Variants in GPC6 observed in about 807,000 individuals in gnomAD.
GPC6 encodes the protein glypican 6.
Under a neutral mutation model 55.2 loss-of-function variants are expected in GPC6, and 14 were observed. The ratio of observed to expected loss-of-function variants is 0.25; its 90% CI spans 0.17 to 0.40. GPC6 has a LOEUF of 0.40. Among genes scored for constraint, GPC6 ranks in the 10% least tolerant of loss-of-function variants. GPC6 has a pLI of 1.00. For synonymous variants in GPC6, 278 were observed against 259.6 expected (o/e 1.07, Z -0.68); for missense variants, 641 against 708.5 (o/e 0.90, Z 1.08).
chr13:93,437,966 T>C (rs1171779593), intron 1 of GPC6, among the ~76,000 whole-genome samples: 1 of 152,110 alleles, frequency 6.6e-6, no homozygotes, highest in Non-Finnish European at 1.5e-5. Flanking sequence ...CCAGTGATCA[T>C]TTACCATTCT....
At chr13:94,065,038 A>C (rs1474355805) in intron 4 of GPC6, among the ~76,000 whole-genome samples, 1 of 152,220 alleles carries the variant, frequency 6.6e-6, no homozygotes, top group African/African-American at 2.4e-5. Flanking sequence ...ACACCTAAGT[A>C]AATGTGGCTT....
At chr13:93,991,728 G>A (rs563388423) in intron 3 of GPC6, among the ~76,000 whole-genome samples, 1 of 152,140 alleles carries the variant, frequency 6.6e-6, no homozygotes, top group Non-Finnish European at 1.5e-5. Flanking sequence ...GAAGGGAAGG[G>A]TGATTACTGA....
chr13:93,542,985 C>T (rs548476354), intron 1 of GPC6, among the ~76,000 whole-genome samples: 4 of 152,292 alleles, frequency 2.6e-5, no homozygotes, highest in African/African-American at 9.6e-5. Flanking sequence ...GACAATTTGA[C>T]TTCCTCTTTT....
At chr13:93,374,026 T>C (rs1874784445) in intron 1 of GPC6, among the ~76,000 whole-genome samples, 1 of 152,158 alleles carries the variant, frequency 6.6e-6, no homozygotes, top group East Asian at 1.9e-4. Context: ...AGGGATCTCA[T>C]ACAGTAGTGG....
At chr13:93,417,995 G>A (rs1026841462) in intron 1 of GPC6, among the ~76,000 whole-genome samples, 14 of 151,942 alleles carry the variant, frequency 9.2e-5, no homozygotes, top group African/African-American at 2.9e-4. Flanking sequence ...TATAAGAATC[G>A]ATACTTTACT....
At chr13:93,764,657 C>G (rs375147924) in intron 2 of GPC6, among the ~76,000 whole-genome samples, 29 of 151,804 alleles carry the variant, frequency 1.9e-4, no homozygotes, top group African/African-American at 6.5e-4. Context: ...AATGACATAT[C>G]TATGTTAACA....
chr13:94,074,560 G>T (rs1594715413), intron 4 of GPC6, among the ~76,000 whole-genome samples: 1 of 152,220 alleles, frequency 6.6e-6, no homozygotes, highest in East Asian at 1.9e-4. Flanking sequence ...TATGTTTTGT[G>T]TACCCATGAC....
intron 2 of GPC6, among the ~76,000 whole-genome samples, chr13:93,722,296 G>T (rs1413942871): frequency 6.6e-6 from 1 of 151,498 alleles, no homozygotes; most frequent in Non-Finnish European, 1.5e-5. Context: ...TCATTCACCG[G>T]TATTTATTAA....
chr13:93,764,251 C>T (rs1885041452), intron 2 of GPC6, among the ~76,000 whole-genome samples: 1 of 151,890 alleles, frequency 6.6e-6, no homozygotes, highest in South Asian at 2.1e-4. Flanking sequence ...AAATCAGACT[C>T]CTCCAATCCT....
intron 4 of GPC6, among the ~76,000 whole-genome samples, chr13:94,083,325 A>G (rs141077908): frequency 0.016 from 2,499 of 152,216 alleles, 63 homozygotes; most frequent in African/African-American, 0.055. Context: ...TCACCGTGTT[A>G]GCCAGGATGG....
chr13:93,898,200 GA>G (rs1876122394), intron 3 of GPC6, among the ~76,000 whole-genome samples: 1 of 152,116 alleles, frequency 6.6e-6, no homozygotes. Flanking sequence ...ATCCAAGTTT[GA>G]GTTCAGAGTG....
At chr13:94,391,929 T>A (rs1310280356) in intron 7 of GPC6, among the ~76,000 whole-genome samples, 1 of 152,256 alleles carries the variant, frequency 6.6e-6, no homozygotes, top group Non-Finnish European at 1.5e-5. Flanking sequence ...TTTCACTTAC[T>A]ATAATGTCCT....
Position 93,567,139 on chromosome 13 carries a change from C to T in GPC6, c.319+21718C>T, listed in dbSNP as rs554875749. 2.0e-3 allele frequency among the ~76,000 whole-genome samples: 303 copies of T among 152,224 alleles called. 2 individuals carry two copies. The highest frequency in any genetic ancestry group is 7.1e-3 in the African/African-American group (294 of 41,542). On this transcript the variant is annotated intron_variant, in intron 2 of 8. Transcript: ENST00000377047. ...GTTCTAGATCCTTGAGGAATTGCCA[C>T]GCTGTCTTCCACAATGGTTGAACTA...
At chr13:93,655,520 G>GT (rs1177929699) in intron 2 of GPC6, among the ~76,000 whole-genome samples, 1 of 152,116 alleles carries the variant, frequency 6.6e-6, no homozygotes, top group Non-Finnish European at 1.5e-5. Context: ...ATGGATCCCA[G>GT]TTACAAACAC....
intron 2 of GPC6, among the ~76,000 whole-genome samples, chr13:93,626,467 A>T (rs948402441): frequency 6.6e-6 from 1 of 152,106 alleles, no homozygotes; most frequent in Non-Finnish European, 1.5e-5. Flanking sequence ...TTTTCTGCCA[A>T]TTTTGGATAA....
chr13:93,298,805 C>T lies in GPC6; in HGVS notation c.160+71189C>T, dbSNP rs549509981. Among the ~76,000 whole-genome samples, 8 of 151,958 alleles carry T rather than the reference C, an allele frequency of 5.3e-5. No homozygotes were observed. In the East Asian group the frequency reaches 1.6e-3, roughly 29 times the overall value. On this transcript the variant is annotated intron_variant, in intron 1 of 8. Coordinates refer to ENST00000377047, the MANE Select transcript of GPC6 (RefSeq NM_005708.5). ...GTACTGCCTGACGTGGATTTTCTCT[C>T]TCTGGGAGTCTAGGTTAGGTATCTC... is the stretch of plus-strand genomic sequence containing the variant.
chr13:93,598,488 G>A (rs1877867166), intron 2 of GPC6, among the ~76,000 whole-genome samples: 1 of 152,104 alleles, frequency 6.6e-6, no homozygotes, highest in Non-Finnish European at 1.5e-5. Context: ...CACTTAATGA[G>A]TATTTTCACG....
At chr13:93,795,795 G>A (rs546913274) in intron 2 of GPC6, among the ~76,000 whole-genome samples, 4 of 152,132 alleles carry the variant, frequency 2.6e-5, no homozygotes, top group Non-Finnish European at 4.4e-5. Context: ...CACCATCTCT[G>A]AACACTGCAG....
At chr13:94,378,223 A>G (rs960319295) in intron 6 of GPC6, among the ~76,000 whole-genome samples, 1 of 152,066 alleles carries the variant, frequency 6.6e-6, no homozygotes, top group Non-Finnish European at 1.5e-5. Context: ...TAATAATAAT[A>G]TCTCATCACT....
Sources: allele counts gnomAD v4.1 joint callset (sites outside exome capture counted in the v4.1 genomes callset), GRCh38; gene constraint gnomAD v4.1.1; transcripts MANE v1.5; gene names NCBI Gene and HGNC (gene_info 2026-07-23, HGNC 2026-07-21).